Variants in AADACL4 observed in about 807,000 individuals in gnomAD.
AADACL4 encodes the protein arylacetamide deacetylase-like 4.
In AADACL4, 9 loss-of-function variants were observed where a neutral mutation model predicts 14.1. The observed-to-expected ratio is 0.64, with a 90% CI of 0.39 to 1.12. The LOEUF (loss-of-function observed/expected upper bound fraction) is 1.12, where lower values mean the gene tolerates loss of function less well. Ranked by LOEUF, AADACL4 falls within the 50% of genes most tolerant of loss-of-function variation. AADACL4 has a pLI of 0.01. For missense variants in AADACL4, 531 were observed against 516.1 expected (o/e 1.03, Z -0.28); for synonymous variants, 188 against 201.6 (o/e 0.93, Z 0.57).
intron 2 of AADACL4, among the ~76,000 whole-genome samples, chr1:12,658,167 T>TCTTTCTTTCTTTCTTTCC (rs1461906135): frequency 8.8e-6 from 1 of 113,642 alleles, no homozygotes; most frequent in African/African-American, 6.7e-5. Context: ...TTTCTTTCTT[T>TCTTTCTTTCTTTCTTTCC]TTCTCTTTCT....
rs769196527 is a variant in AADACL4 at position 12,666,046 on chromosome 1, A to G, written c.535A>G (p.Thr179Ala). Residue 179 changes from threonine to alanine, a missense_variant, in exon 4 of 4, where the codon ACC becomes GCC. Thr to Ala is a moderately conservative substitution (Grantham distance 58). Coordinates refer to ENST00000376221, the MANE Select transcript of AADACL4 (RefSeq NM_001013630.2). The part of the protein sequence containing the change: ...ASIHFLKALE[T>A]YGVDPSRVVV... ...CATTCACTTCCTGAAGGCCCTGGAA[A>G]CCTATGGGGTGGACCCCTCCAGGGT... 17 of 1,613,892 alleles carry G rather than the reference A, an allele frequency of 1.1e-5. No homozygotes were observed. Among genetic ancestry groups the G allele is most frequent in the African/African-American group, 1.3e-5 (1 of 74,846 alleles).
intron 2 of AADACL4, among the ~76,000 whole-genome samples, chr1:12,658,286 T>G (rs2100766061): frequency 6.7e-6 from 1 of 150,096 alleles, no homozygotes. Flanking sequence ...CGAAACAGAG[T>G]CTTACTCTGT....
At chr1:12,651,428 T>C in intron 2 of AADACL4, 89 bp downstream of exon 2, 4 of 1,344,118 alleles carry the variant, frequency 3.0e-6, no homozygotes, top group Non-Finnish European at 4.1e-6. Flanking sequence ...CCTTCTACAG[T>C]AGCTTAAAGG....
rs139645392 is a variant in AADACL4 at position 12,645,342 on chromosome 1, C to T, written c.168+628C>T. On this transcript the variant is annotated intron_variant, in intron 1 of 3. Coordinates refer to ENST00000376221, the MANE Select transcript of AADACL4 (RefSeq NM_001013630.2). ...TTCCGTTCTTCCTTCCTCTCTCCTG[C>T]TCTCTCTAACTCCCTTCCTTTCTTC... Among the ~76,000 whole-genome samples, 901 of 145,912 alleles carry T rather than the reference C, an allele frequency of 6.2e-3. 5 individuals are homozygous for T. Among genetic ancestry groups the T allele is most frequent in the Middle Eastern group, 0.021 (6 of 288 alleles).
At chr1:12,648,545 C>A (rs911487987) in intron 1 of AADACL4, among the ~76,000 whole-genome samples, 1 of 151,430 alleles carries the variant, frequency 6.6e-6, no homozygotes, top group East Asian at 1.9e-4. Flanking sequence ...CACAGGCATG[C>A]ACCACTGTGC....
chr1:12,658,135 C>CCTTCCTTCCTTTCTTTCTTTCTTTCTTT (rs1557550855), intron 2 of AADACL4, among the ~76,000 whole-genome samples: 78 of 87,346 alleles, frequency 8.9e-4, no homozygotes, highest in African/African-American at 3.9e-3. Flanking sequence ...TTCCTTCCTT[C>CCTTCCTTCCTTTCTTTCTTTCTTTCTTT]CTTCCTTTCT....
rs374661453 is a variant in AADACL4 at position 12,651,232 on chromosome 1, GT to G, written c.282del (p.Phe94LeufsTer6). 5.0e-6 allele frequency: 8 copies of G among 1,614,184 alleles called. No homozygotes were observed. The African/African-American group carries it at 9.3e-5, about 19-fold the overall frequency. ...KDPELVVTDL[R>X]FGTIPVRLFQ... The stretch of plus-strand genomic sequence containing the variant: ...CCTGAACTTGTGGTGACCGACCTGC[GT>G]TTTGGGACGATACCCGTGAGGCTGT... On this transcript the variant is annotated frameshift_variant, in exon 2 of 4. Transcript: ENST00000376221. LOFTEE classifies it high-confidence loss of function.
Position 12,646,090 on chromosome 1 carries a change from A to G in AADACL4, c.168+1376A>G, listed in dbSNP as rs116186746. On this transcript the variant is annotated intron_variant, in intron 1 of 3. Transcript: ENST00000376221. ...TGTTTGTGGCAGGCAACCTGAGTTAACCCCAATGTCCCAACCCTAGGTGGA... is the reference window on the plus strand; with the variant it reads ...TGTTTGTGGCAGGCAACCTGAGTTAGCCCCAATGTCCCAACCCTAGGTGGA... 2.2e-3 allele frequency among the ~76,000 whole-genome samples: 328 copies of G among 152,234 alleles called. 3 individuals are homozygous for G. Among genetic ancestry groups the G allele is most frequent in the African/African-American group, 7.1e-3 (297 of 41,540 alleles).
chr1:12,653,068 C>G (rs1425305792), intron 2 of AADACL4, among the ~76,000 whole-genome samples: 1 of 152,072 alleles, frequency 6.6e-6, no homozygotes, highest in African/African-American at 2.4e-5. Context: ...GGAGGTCAGT[C>G]TTCAGTATCT....
At position 12,666,470 on chromosome 1, in the gene AADACL4, A is replaced by G; in HGVS notation, c.959A>G (p.Asp320Gly). The change falls in exon 4 of 4, where the codon GAT becomes GGT. Residue 320 changes from aspartate (D) to glycine (G), a missense_variant. Coordinates refer to ENST00000376221, the MANE Select transcript of AADACL4 (RefSeq NM_001013630.2). ...AAYLEAKHML[D>G]VENSPLIADD... ...TATCTAGAAGCCAAACATATGCTGG[A>G]TGTAGAAAATTCACCCCTGATAGCA... 6.2e-7 allele frequency: 1 copy of G among 1,614,176 alleles called. No homozygotes were observed. The highest frequency in any genetic ancestry group is 1.7e-5 in the Admixed American group (1 of 60,020).
intron 3 of AADACL4, 37 bp downstream of exon 3, chr1:12,661,891 G>T (rs751740979): frequency 7.5e-6 from 12 of 1,601,450 alleles, no homozygotes; most frequent in Non-Finnish European, 1.0e-5. Flanking sequence ...TTCCACAGGG[G>T]TGAGAGGAGA....
At position 12,667,008 on chromosome 1, in the gene AADACL4, A is replaced by C; in HGVS notation, c.*273A>C. 2.1e-6 allele frequency: 1 copy of C among 466,294 alleles called. No individual in the cohort carries two copies. 28.9% of individuals were successfully genotyped at this position (466,294 alleles called of 1,614,324 possible). On this transcript the variant is annotated 3_prime_UTR_variant, in exon 4 of 4. Coordinates refer to ENST00000376221, the MANE Select transcript of AADACL4 (RefSeq NM_001013630.2). ...TGAAATAAATATCAAAAGGAGAAAA[A>C]AATGCCTTTAAAAATTTCTCAAAGC...
intron 3 of AADACL4, among the ~76,000 whole-genome samples, chr1:12,663,793 G>C (rs1217485893): frequency 6.6e-6 from 1 of 152,148 alleles, no homozygotes; most frequent in Non-Finnish European, 1.5e-5. Flanking sequence ...TCTGCTACCA[G>C]GTGAAGGGGC....
At chr1:12,654,378 G>A (rs1647168479) in intron 2 of AADACL4, among the ~76,000 whole-genome samples, 1 of 152,132 alleles carries the variant, frequency 6.6e-6, no homozygotes, top group Admixed American at 6.5e-5. Flanking sequence ...CTTGTATGGG[G>A]AATTATTTTT....
At chr1:12,661,558 G>A (rs1647229033) in intron 2 of AADACL4, among the ~76,000 whole-genome samples, 1 of 152,118 alleles carries the variant, frequency 6.6e-6, no homozygotes, top group Admixed American at 6.5e-5. Context: ...TAAAATAAAT[G>A]TTGCAGAAAG....
At chr1:12,658,108 T>TTCCTTCCTTCCTTCCTTCC (rs1647195201) in intron 2 of AADACL4, among the ~76,000 whole-genome samples, 65 of 122,080 alleles carry the variant, frequency 5.3e-4, no homozygotes, top group African/African-American at 2.5e-3. Context: ...TCTCTCTTTC[T>TTCCTTCCTTCCTTCCTTCC]TTCCTTCCTT....
chr1:12,658,040 C>T (rs1304424731), intron 2 of AADACL4, among the ~76,000 whole-genome samples: 2 of 148,750 alleles, frequency 1.3e-5, no homozygotes, highest in East Asian at 3.9e-4. Flanking sequence ...TTCTTTCCTT[C>T]CTTCCTTCCT....
At chr1:12,651,099 G>A in intron 1 of AADACL4, 24 bp from the exon 2 acceptor site, 1 of 1,604,540 alleles carries the variant, frequency 6.2e-7, no homozygotes, top group Non-Finnish European at 8.5e-7. Flanking sequence ...CTAACGTCTG[G>A]CTTTCTTTTG....
At chr1:12,652,435 C>T (rs1647154651) in intron 2 of AADACL4, among the ~76,000 whole-genome samples, 1 of 152,218 alleles carries the variant, frequency 6.6e-6, no homozygotes, top group Non-Finnish European at 1.5e-5. Flanking sequence ...CCAGAGTTGT[C>T]TTGATACCGG....
Sources: gnomAD v4.1 joint callset for allele counts (sites outside exome capture counted in the v4.1 genomes callset) on GRCh38, gnomAD v4.1.1 for gene constraint, MANE v1.5 for transcripts, NCBI Gene and HGNC (gene_info 2026-07-23, HGNC 2026-07-21) for gene names.